Variants in LRP1B observed in about 807,000 individuals in gnomAD.
LRP1B encodes LDL receptor related protein 1B, also known as low-density lipoprotein receptor-related protein 1B.
In LRP1B, 217 loss-of-function variants were observed where a neutral mutation model predicts 556.6. The observed-to-expected ratio is 0.39, with a 90% CI of 0.35 to 0.44. The LOEUF (loss-of-function observed/expected upper bound fraction) is 0.44. Ranked by LOEUF, LRP1B falls within the 20% of genes least tolerant of loss-of-function variation. The pLI is 1.00. For synonymous variants in LRP1B, 2,047 were observed against 1,865.8 expected (o/e 1.10, Z -2.50); for missense variants, 5,053 against 5,620.8 (o/e 0.90, Z 3.23).
chr2:141,057,917 A>G (rs1699225480), intron 9 of LRP1B, among the ~76,000 whole-genome samples: 1 of 151,860 alleles, frequency 6.6e-6, no homozygotes, highest in Non-Finnish European at 1.5e-5. Context: ...CATTTCTGAC[A>G]TCTTTATCCA....
chr2:141,851,751 T>A (rs1410523277), intron 1 of LRP1B, among the ~76,000 whole-genome samples: 1 of 151,714 alleles, frequency 6.6e-6, no homozygotes, highest in African/African-American at 2.4e-5. Context: ...AATTGCTGTT[T>A]CCTTAAGTGC....
chr2:141,732,695 A>G (rs531794420), intron 2 of LRP1B, among the ~76,000 whole-genome samples: 1 of 152,266 alleles, frequency 6.6e-6, no homozygotes, highest in South Asian at 2.1e-4. Context: ...GAAGGAAGAA[A>G]GATAGCCATA....
At chr2:140,478,144 C>CTTTTTTTTT (rs35948232) in intron 59 of LRP1B, among the ~76,000 whole-genome samples, 8 of 62,780 alleles carry the variant, frequency 1.3e-4, no homozygotes, top group African/African-American at 4.6e-4. Flanking sequence ...TATAACTTAA[C>CTTTTTTTTT]TTTTTTTTTT....
intron 1 of LRP1B, among the ~76,000 whole-genome samples, chr2:142,016,519 A>T (rs976622280): frequency 2.6e-5 from 4 of 152,086 alleles, no homozygotes; most frequent in Non-Finnish European, 5.9e-5. Context: ...TGAGTTCATG[A>T]CCTTTGCAGG....
At chr2:140,976,481 T>C (rs1278422806) in intron 18 of LRP1B, among the ~76,000 whole-genome samples, 2 of 151,182 alleles carry the variant, frequency 1.3e-5, no homozygotes, top group African/African-American at 4.9e-5. Context: ...TTCTACTCCA[T>C]TGAACTATCT....
At chr2:141,068,978 T>A (rs1699559547) in intron 7 of LRP1B, among the ~76,000 whole-genome samples, 1 of 152,080 alleles carries the variant, frequency 6.6e-6, no homozygotes, top group Non-Finnish European at 1.5e-5. Flanking sequence ...ATTGAAAACA[T>A]CTTAAATCTT....
chr2:141,515,610 C>T (rs1684284930), intron 2 of LRP1B, among the ~76,000 whole-genome samples: 2 of 151,906 alleles, frequency 1.3e-5, no homozygotes, highest in African/African-American at 4.8e-5. Context: ...CTCTAGGAAA[C>T]ATTTCACTTT....
intron 41 of LRP1B, among the ~76,000 whole-genome samples, chr2:140,616,270 C>T (rs985513833): frequency 2.0e-5 from 3 of 151,860 alleles, no homozygotes; most frequent in Admixed American, 2.0e-4. Flanking sequence ...TGAAACAATG[C>T]TTTAGGACAG....
intron 2 of LRP1B, among the ~76,000 whole-genome samples, chr2:141,760,579 A>G (rs1453523571): frequency 6.6e-6 from 1 of 152,238 alleles, no homozygotes; most frequent in African/African-American, 2.4e-5. Flanking sequence ...ATATACAACA[A>G]TAAAGATGTA....
chr2:140,924,255 C>T (rs1310882174), intron 20 of LRP1B, among the ~76,000 whole-genome samples: 3 of 151,874 alleles, frequency 2.0e-5, no homozygotes, highest in African/African-American at 4.8e-5. Flanking sequence ...AGTGATATCA[C>T]CAAAGCAGTC....
At chr2:141,285,833 G>A (rs1685695095) in intron 3 of LRP1B, among the ~76,000 whole-genome samples, 2 of 147,920 alleles carry the variant, frequency 1.4e-5, no homozygotes, top group Admixed American at 1.3e-4. Flanking sequence ...TTGGGAGGCC[G>A]AGGCGGGCGG....
chr2:141,084,139 G>A (rs1015399560), intron 7 of LRP1B, among the ~76,000 whole-genome samples: 3 of 152,106 alleles, frequency 2.0e-5, no homozygotes, highest in African/African-American at 7.2e-5. Flanking sequence ...AAAAATCTTA[G>A]CATTGAAAAA....
At chr2:141,674,215 T>G (rs148194040) in intron 2 of LRP1B, among the ~76,000 whole-genome samples, 3 of 152,236 alleles carry the variant, frequency 2.0e-5, no homozygotes, top group African/African-American at 7.2e-5. Flanking sequence ...ATTTTTCATT[T>G]AGAGAGAAGA....
At chr2:141,073,513 C>T (rs1396920461) in intron 7 of LRP1B, among the ~76,000 whole-genome samples, 2 of 152,122 alleles carry the variant, frequency 1.3e-5, no homozygotes, top group African/African-American at 4.8e-5. Context: ...CATAGACAAT[C>T]TTGAATGTTC....
chr2:141,926,994 G>T (rs568685526), intron 1 of LRP1B, among the ~76,000 whole-genome samples: 4 of 152,072 alleles, frequency 2.6e-5, no homozygotes, highest in Non-Finnish European at 4.4e-5. Context: ...AGACTGCTTT[G>T]ATTGTTAGTG....
chr2:141,424,001 T>C (rs1197501508), intron 3 of LRP1B, among the ~76,000 whole-genome samples: 2 of 152,132 alleles, frequency 1.3e-5, no homozygotes, highest in Non-Finnish European at 2.9e-5. Context: ...AACATATGAT[T>C]CAGTTAAAAG....
chr2:140,256,121 T>C (rs922257442), intron 86 of LRP1B, among the ~76,000 whole-genome samples: 9 of 152,128 alleles, frequency 5.9e-5, no homozygotes, highest in Non-Finnish European at 7.4e-5. Context: ...TTTAATTCCA[T>C]CAATTCACTT....
chr2:141,251,655 A>G (rs1239992845), intron 4 of LRP1B, among the ~76,000 whole-genome samples: 1 of 152,138 alleles, frequency 6.6e-6, no homozygotes, highest in Non-Finnish European at 1.5e-5. Flanking sequence ...GACTTTAAAT[A>G]TGTATGAAAA....
intron 7 of LRP1B, among the ~76,000 whole-genome samples, chr2:141,145,759 C>T (rs1701766501): frequency 6.6e-6 from 1 of 151,932 alleles, no homozygotes; most frequent in African/African-American, 2.4e-5. Context: ...TCTCATACTC[C>T]TGACCTCGGG....
Sources: gnomAD v4.1 joint callset for allele counts (sites outside exome capture counted in the v4.1 genomes callset) on GRCh38, gnomAD v4.1.1 for gene constraint, MANE v1.5 for transcripts, NCBI Gene and HGNC (gene_info 2026-07-23, HGNC 2026-07-21) for gene names.